PCCA: variants seen among roughly 807,000 people sequenced by gnomAD.
PCCA encodes the protein propionyl-CoA carboxylase alpha chain, mitochondrial.
Under a neutral mutation model 101.3 loss-of-function variants are expected in PCCA, and 74 were observed. The ratio of observed to expected loss-of-function variants is 0.73; its 90% CI spans 0.61 to 0.89. The LOEUF (loss-of-function observed/expected upper bound fraction) is 0.89, where lower values mean the gene tolerates loss of function less well. Ranked by LOEUF, PCCA falls within the 40% of genes least tolerant of loss-of-function variation. PCCA has a pLI of 0.00. For missense variants in PCCA, 891 were observed against 907.0 expected (o/e 0.98, Z 0.23); for synonymous variants, 294 against 313.6 (o/e 0.94, Z 0.66).
At chr13:100,232,651 G>T (rs536851408) in intron 7 of PCCA, among the ~76,000 whole-genome samples, 4 of 152,226 alleles carry the variant, frequency 2.6e-5, no homozygotes, top group Non-Finnish European at 5.9e-5. Context: ...AAAGTGCTGG[G>T]ATTACAGGTG....
intron 19 of PCCA, among the ~76,000 whole-genome samples, chr13:100,388,696 T>A (rs2076650401): frequency 6.6e-6 from 1 of 152,182 alleles, no homozygotes. Flanking sequence ...CTTGGGAGGC[T>A]GAGGCGGAGA....
intron 6 of PCCA, among the ~76,000 whole-genome samples, chr13:100,184,162 A>G (rs1039789042): frequency 1.3e-5 from 2 of 152,134 alleles, no homozygotes; most frequent in Non-Finnish European, 2.9e-5. Context: ...GAGCAGGACT[A>G]AGAGAGAGAG....
intron 19 of PCCA, among the ~76,000 whole-genome samples, chr13:100,376,823 T>A (rs139242089): frequency 1.3e-5 from 2 of 152,300 alleles, no homozygotes; most frequent in Non-Finnish European, 2.9e-5. Flanking sequence ...TGGTTCTGTT[T>A]CGCTGGTGTT....
At position 100,116,830 on chromosome 13, in the gene PCCA, G is replaced by A. The variant is rs1357947751; in HGVS notation, c.300+4769G>A. 4.1e-5 allele frequency among the ~76,000 whole-genome samples: 6 copies of A among 147,798 alleles called. No individual in the cohort carries two copies. The Admixed American group carries it at 4.1e-4, about 10-fold the overall frequency. ...ATTTTAGATTTTGCAGGCCCCTGTG[G>A]TCGCTGTTACATATGCTTCTTTTTG... On this transcript the variant is annotated intron_variant, in intron 4 of 23. Transcript: ENST00000376285.
chr13:100,171,417 G>A (rs558931001), intron 6 of PCCA, among the ~76,000 whole-genome samples: 12 of 152,268 alleles, frequency 7.9e-5, no homozygotes, highest in African/African-American at 2.4e-4. Flanking sequence ...TTCTCTGAGA[G>A]TGTGGCCTTT....
At chr13:100,101,203 A>G (rs1169399200) in intron 1 of PCCA, among the ~76,000 whole-genome samples, 1 of 152,206 alleles carries the variant, frequency 6.6e-6, no homozygotes, top group Non-Finnish European at 1.5e-5. Flanking sequence ...GCTCTGTGGA[A>G]CAATATCATA....
chr13:100,305,938 A>T (rs2152690767), intron 14 of PCCA: 1 of 321,542 alleles, frequency 3.1e-6, no homozygotes, highest in Admixed American at 4.6e-5. Context: ...AAATACAGAA[A>T]TAAAAGCCCT....
chr13:100,406,619 G>T (rs1358958501), intron 19 of PCCA, among the ~76,000 whole-genome samples: 2 of 152,152 alleles, frequency 1.3e-5, no homozygotes, highest in Admixed American at 1.3e-4. Flanking sequence ...TAGGAGAATC[G>T]CTTGAACCGG....
At chr13:100,130,311 C>A (rs146285646) in intron 4 of PCCA, among the ~76,000 whole-genome samples, 302 of 152,238 alleles carry the variant, frequency 2.0e-3, no homozygotes, top group African/African-American at 7.0e-3. Flanking sequence ...GTTGGAGTAG[C>A]AAAGGGAAAA....
chr13:100,155,798 A>G (rs895280244), intron 5 of PCCA, among the ~76,000 whole-genome samples: 7 of 152,254 alleles, frequency 4.6e-5, no homozygotes, highest in African/African-American at 1.2e-4. Context: ...GAGCGCTTCA[A>G]TTAGCGCTCA....
Position 100,326,822 on chromosome 13 carries a change from G to A in PCCA, c.1430-3739G>A, listed in dbSNP as rs2068742786. On this transcript the variant is annotated intron_variant, in intron 16 of 23. Coordinates refer to ENST00000376285, the MANE Select transcript of PCCA (RefSeq NM_000282.4). ...TCTTTAGCTTTATTGCAAGACTGCA[G>A]TATTTAATATATATAATATATAAAA... 2.6e-5 allele frequency among the ~76,000 whole-genome samples: 4 copies of A among 152,058 alleles called. No homozygotes were observed. The South Asian group carries it at 8.3e-4, about 32-fold the overall frequency.
intron 18 of PCCA, among the ~76,000 whole-genome samples, chr13:100,343,103 G>A (rs909874355): frequency 6.6e-6 from 1 of 152,268 alleles, no homozygotes; most frequent in East Asian, 1.9e-4. Flanking sequence ...GGCTGAGGCA[G>A]GAGAATTGCT....
intron 21 of PCCA, chr13:100,491,268 C>A: frequency 5.9e-6 from 1 of 168,264 alleles, no homozygotes. Context: ...CATTAAATGC[C>A]ATCTGAAAAG....
At position 100,156,158 on chromosome 13, in the gene PCCA, C is replaced by T. The variant is rs911930400; in HGVS notation, c.414+1066C>T. On this transcript the variant is annotated intron_variant, in intron 5 of 23. Transcript: ENST00000376285. The stretch of plus-strand genomic sequence containing the variant: ...TCTTGGCTCACTGCAACCTCTGTCC[C>T]GCCAGGTTCAAGCGATTCTCTTGCC... Among the ~76,000 whole-genome samples, 7 of 152,120 alleles carry T rather than the reference C, an allele frequency of 4.6e-5. No homozygotes were observed. The East Asian group carries it at 7.7e-4, about 17-fold the overall frequency.
chr13:100,198,934 T>A (rs543167035), intron 6 of PCCA, among the ~76,000 whole-genome samples: 1 of 123,912 alleles, frequency 8.1e-6, no homozygotes, highest in African/African-American at 3.3e-5. Context: ...TTTTTTTTTT[T>A]AAGCCTAAAG....
intron 18 of PCCA, among the ~76,000 whole-genome samples, chr13:100,364,075 T>G (rs1307324242): frequency 6.6e-6 from 1 of 152,202 alleles, no homozygotes; most frequent in Non-Finnish European, 1.5e-5. Context: ...TGAGTTCTTT[T>G]TTACTGGGGT....
Position 100,515,543 on chromosome 13 carries a change from C to G in PCCA, c.2016C>G (p.Ala672=). 1 of 1,614,018 alleles carries G rather than the reference C, an allele frequency of 6.2e-7. No homozygotes were observed. The highest frequency in any genetic ancestry group is 2.2e-5 in the East Asian group (1 of 44,880). Residue 672 remains alanine (A), a synonymous_variant, in exon 22 of 24, where the codon GCC becomes GCG. Transcript: ENST00000376285. The part of the protein sequence containing the change: ...LRSPMPGVVV[A]VSVKPGDAVA... ...CCCCGATGCCCGGAGTGGTGGTGGC[C>G]GTCTCTGTCAAGCCTGGAGACGCGG...
intron 21 of PCCA, among the ~76,000 whole-genome samples, chr13:100,456,402 T>C (rs1011608628): frequency 7.2e-5 from 11 of 152,144 alleles, no homozygotes; most frequent in Non-Finnish European, 1.3e-4. Context: ...TAGCGGGTGT[T>C]CTCCCGGTGT....
intron 1 of PCCA, 48 bp downstream of exon 1, chr13:100,089,273 GCCGTGCCGCCTCTGGGCGGCTGGCGC>G: frequency 7.1e-7 from 1 of 1,414,430 alleles, no homozygotes; most frequent in Non-Finnish European, 9.2e-7. Context: ...TGGGCTTCTA[GCCGTGCCGCCTCTGGGCGGCTGGCGC>G]CGGGAGAGCG....
Sources: allele counts gnomAD v4.1 joint callset (sites outside exome capture counted in the v4.1 genomes callset), GRCh38; gene constraint gnomAD v4.1.1; transcripts MANE v1.5; gene names NCBI Gene and HGNC (gene_info 2026-07-23, HGNC 2026-07-21).